Variants in CPEB4 observed in about 807,000 individuals in gnomAD.
CPEB4 encodes cytoplasmic polyadenylation element-binding protein 4.
Under a neutral mutation model 72.5 loss-of-function variants are expected in CPEB4, and 12 were observed. That is an observed-to-expected ratio of 0.17 (90% CI 0.11 to 0.27). The LOEUF is 0.27. Among genes scored for constraint, CPEB4 ranks in the 10% least tolerant of loss-of-function variants. The pLI is 1.00. For missense variants in CPEB4, 614 were observed against 908.5 expected, an observed-to-expected ratio of 0.68 and a Z score of 4.17; for synonymous variants, 302 against 326.3, an observed-to-expected ratio of 0.93 and a Z score of 0.80.
chr5:173,922,549 T>C (rs1291084319), intron 2 of CPEB4, among the ~76,000 whole-genome samples: 1 of 152,158 alleles, frequency 6.6e-6, no homozygotes, highest in African/African-American at 2.4e-5. Context: ...TTAATTTCAA[T>C]TTAGGAGATG....
chr5:173,920,592 G>C (rs1027367265), intron 2 of CPEB4, among the ~76,000 whole-genome samples: 3 of 152,110 alleles, frequency 2.0e-5, no homozygotes, highest in Non-Finnish European at 4.4e-5. Context: ...GTTCAAACCT[G>C]GTTTGGCCAC....
At chr5:173,894,549 A>T (rs1440630891) in intron 1 of CPEB4, among the ~76,000 whole-genome samples, 1 of 144,828 alleles carries the variant, frequency 6.9e-6, no homozygotes, top group Non-Finnish European at 1.5e-5. Context: ...TGATCCCAGG[A>T]GGTGGAGGTT....
At chr5:173,909,925 G>T (rs74860166) in intron 1 of CPEB4, among the ~76,000 whole-genome samples, 3 of 151,648 alleles carry the variant, frequency 2.0e-5, no homozygotes, top group Non-Finnish European at 4.4e-5. Context: ...ATTTGAACCC[G>T]GGAGGCAGAG....
intron 3 of CPEB4, among the ~76,000 whole-genome samples, chr5:173,942,313 G>A (rs139798509): frequency 6.6e-6 from 1 of 152,354 alleles, no homozygotes; most frequent in Non-Finnish European, 1.5e-5. Flanking sequence ...GTGCCAGTTT[G>A]TTTCAGGGAA....
rs35154045 is a variant in CPEB4, at chr5:173,939,956, C to CAA, written c.1259-3054_1259-3053dup. Among the ~76,000 whole-genome samples, 262 of 68,364 alleles carry CAA rather than the reference C, an allele frequency of 3.8e-3. 3 individuals are homozygous for CAA. In the South Asian group the frequency reaches 0.054, roughly 14 times the overall value. The allele number at this position is 68,364 out of a possible 152,430, so 44.8% of individuals were successfully genotyped here. ...GTAAAACCATGTCTCTAATAAAATA[C>CAA]AAAAAAAAAAAAAAAAAGCTGGATG... On this transcript the variant is annotated intron_variant, in intron 3 of 9. Coordinates refer to ENST00000265085, the MANE Select transcript of CPEB4 (RefSeq NM_030627.4).
At chr5:173,907,768 A>T (rs566027310) in intron 1 of CPEB4, among the ~76,000 whole-genome samples, 1 of 152,368 alleles carries the variant, frequency 6.6e-6, no homozygotes, top group Non-Finnish European at 1.5e-5. Context: ...TGACACACAT[A>T]GAAAATGATA....
intron 2 of CPEB4, among the ~76,000 whole-genome samples, chr5:173,931,962 T>C (rs537345393): frequency 6.6e-6 from 1 of 152,380 alleles, no homozygotes; most frequent in East Asian, 1.9e-4. Context: ...TCATCATATG[T>C]AAGTTTAGTG....
At chr5:173,903,596 C>T (rs1162694941) in intron 1 of CPEB4, among the ~76,000 whole-genome samples, 1 of 152,152 alleles carries the variant, frequency 6.6e-6, no homozygotes, top group African/African-American at 2.4e-5. Flanking sequence ...TTCTGACGTA[C>T]TCTCAAGTAT....
intron 1 of CPEB4, among the ~76,000 whole-genome samples, chr5:173,909,745 A>G (rs1450784396): frequency 3.3e-5 from 5 of 152,138 alleles, no homozygotes; most frequent in Admixed American, 2.6e-4. Context: ...CATGCCTGTA[A>G]TCCCAGCACT....
intron 3 of CPEB4, among the ~76,000 whole-genome samples, chr5:173,940,435 C>T (rs1226515675): frequency 6.6e-6 from 1 of 152,210 alleles, no homozygotes; most frequent in African/African-American, 2.4e-5. Context: ...ACATTTTCCT[C>T]AGGAAAGCAG....
At chr5:173,942,893 A>G in intron 3 of CPEB4, 133 bp from the exon 4 acceptor site, 1 of 833,142 alleles carries the variant, frequency 1.2e-6, no homozygotes, top group Non-Finnish European at 1.8e-6. Flanking sequence ...GACATTTACC[A>G]GGAAATGAAG....
intron 2 of CPEB4, among the ~76,000 whole-genome samples, chr5:173,913,439 C>T (rs1489099539): frequency 3.3e-5 from 5 of 152,120 alleles, no homozygotes; most frequent in Non-Finnish European, 7.3e-5. Context: ...TTCAGGTGAT[C>T]CACCCACCTT....
At position 173,955,410 on chromosome 5, in the gene CPEB4, C is replaced by T. The variant is rs1481148513; in HGVS notation, c.1963-500C>T. Among the ~76,000 whole-genome samples the T allele has an allele frequency of 6.6e-6, 1 of 151,542 alleles. No individual in the cohort carries two copies. The highest frequency in any genetic ancestry group is 1.5e-5 in the Non-Finnish European group (1 of 67,974). On this transcript the variant is annotated intron_variant, in intron 9 of 9. Coordinates refer to ENST00000265085, the MANE Select transcript of CPEB4 (RefSeq NM_030627.4). The surrounding 1 kb of genome is among the most constrained non-coding windows in gnomAD (Gnocchi z 4.7). Reference sequence around the variant, plus strand: ...ACATGTGTACACTATAAATAGAAACCACGAGCCAGGCTTTTTACGACAGCT... The same window carrying T: ...ACATGTGTACACTATAAATAGAAACTACGAGCCAGGCTTTTTACGACAGCT...
intron 1 of CPEB4, chr5:173,891,530 A>G (rs1037184150): frequency 7.2e-5 from 11 of 152,180 alleles, no homozygotes; most frequent in Admixed American, 3.3e-4. Flanking sequence ...TTCATCTCAG[A>G]GTGACTCTTT....
rs763240383 is a variant in CPEB4 at position 173,953,114 on chromosome 5, C to T, written c.1804C>T (p.Arg602Trp). ...RAVELAMIMDRLYGGVCYAGI... is the reference protein window; with the variant it reads ...RAVELAMIMDWLYGGVCYAGI... ...AGTGGAGCTTGCGATGATAATGGAT[C>T]GGCTATATGGAGGTGTGTGCTACGC... is the stretch of plus-strand genomic sequence containing the variant. Residue 602 changes from arginine (R) to tryptophan (W), a missense_variant, in exon 9 of 10, where the codon CGG (arginine) becomes TGG (tryptophan). Coordinates refer to ENST00000265085, the MANE Select transcript of CPEB4 (RefSeq NM_030627.4). 7 of 1,606,026 alleles carry T rather than the reference C, an allele frequency of 4.4e-6. No individual in the cohort carries two copies. Among genetic ancestry groups the T allele is most frequent in the Non-Finnish European group, 6.0e-6 (7 of 1,175,560 alleles).
chr5:173,894,262 G>A (rs1755921678), intron 1 of CPEB4, among the ~76,000 whole-genome samples: 1 of 152,126 alleles, frequency 6.6e-6, no homozygotes. Flanking sequence ...GATTGCAGGT[G>A]TGAGCCACCG....
intron 2 of CPEB4, among the ~76,000 whole-genome samples, chr5:173,914,548 G>A (rs1756792860): frequency 1.3e-5 from 2 of 152,162 alleles, no homozygotes; most frequent in South Asian, 4.1e-4. Flanking sequence ...CTGAGGTCAG[G>A]AGTTCGAGAC....
intron 3 of CPEB4, among the ~76,000 whole-genome samples, chr5:173,942,005 A>G (rs1327059888): frequency 6.6e-6 from 1 of 152,214 alleles, no homozygotes; most frequent in Non-Finnish European, 1.5e-5. Flanking sequence ...AACGCTGTTG[A>G]GCCTGGAATG....
Position 173,888,498 on chromosome 5 carries a change from C to A in CPEB4, c.-1236C>A. On this transcript the variant is annotated 5_prime_UTR_variant, in exon 1 of 10. Coordinates refer to ENST00000265085, the MANE Select transcript of CPEB4 (RefSeq NM_030627.4). This position sits in a 1 kb window ranked among gnomAD's most constrained non-coding sequence, Gnocchi z 4.3. ...AGAAAAAGAAGAACCAGGAGGAGTC[C>A]TCAACAACGACAGCGGGGACTGCGG... 1 of 419,444 alleles carries A rather than the reference C, an allele frequency of 2.4e-6. No homozygotes were observed. Among genetic ancestry groups the A allele is most frequent in the Non-Finnish European group, 4.2e-6 (1 of 239,174 alleles). The allele number at this position is 419,444 out of a possible 1,614,324, so 26.0% of individuals were successfully genotyped here. A position where few individuals can be genotyped will look rare whatever the true frequency, so the allele number is the denominator to read the frequency against.
Sources: allele counts gnomAD v4.1 joint callset (sites outside exome capture counted in the v4.1 genomes callset), GRCh38; gene constraint gnomAD v4.1.1; non-coding constraint Gnocchi (gnomAD v3.1); transcripts MANE v1.5; gene names NCBI Gene and HGNC (gene_info 2026-07-23, HGNC 2026-07-21).